Variants in RARB observed in about 807,000 individuals in gnomAD.
The protein encoded by RARB is HBV-activated protein.
A neutral mutation model predicts 51.9 loss-of-function variants in RARB; 17 were observed. The ratio of observed to expected loss-of-function variants is 0.33; its 90% CI spans 0.22 to 0.49. The LOEUF (loss-of-function observed/expected upper bound fraction) is 0.49. Among genes scored for constraint, RARB ranks in the 20% least tolerant of loss-of-function variants. The probability of loss-of-function intolerance (pLI) is 0.99; values close to 1 mark genes in which losing one functional copy is unlikely to be tolerated. For synonymous variants in RARB, 215 were observed against 195.4 expected (o/e 1.10, Z -0.84); for missense variants, 369 against 550.8 (o/e 0.67, Z 3.30).
intron 2 of RARB, among the ~76,000 whole-genome samples, chr3:24,987,858 C>T (rs1696827953): frequency 6.6e-6 from 1 of 152,122 alleles, no homozygotes; most frequent in Non-Finnish European, 1.5e-5. Flanking sequence ...CATGTATGCA[C>T]GCACAATTAC....
intron 3 of RARB, among the ~76,000 whole-genome samples, chr3:25,530,600 T>G (rs1698861231): frequency 6.6e-6 from 1 of 152,248 alleles, no homozygotes; most frequent in Non-Finnish European, 1.5e-5. Context: ...TTTCTCACAT[T>G]ACATTGCTCT....
At position 25,213,319 on chromosome 3, in the gene RARB, T is replaced by G. The variant is rs564360142; in HGVS notation, c.178+38744T>G. 2.2e-4 allele frequency among the ~76,000 whole-genome samples: 33 copies of G among 152,314 alleles called. No homozygotes were observed. The South Asian group carries it at 6.6e-3, about 31-fold the overall frequency. On this transcript the variant is annotated intron_variant, in intron 5 of 11. Transcript: ENST00000383772. ...CTACATACTATATAATCACACAGTTTGAGTCCTTTTGTGTCTGACATCCTT... is the reference window on the plus strand; with the variant it reads ...CTACATACTATATAATCACACAGTTGGAGTCCTTTTGTGTCTGACATCCTT...
chr3:24,966,658 A>G (rs888899370), intron 2 of RARB, among the ~76,000 whole-genome samples: 1 of 148,870 alleles, frequency 6.7e-6, no homozygotes, highest in East Asian at 2.0e-4. Context: ...AGTCTCTAAC[A>G]AGAAGCAGAA....
chr3:25,439,892 C>T (rs138836461), intron 1 of RARB, among the ~76,000 whole-genome samples: 199 of 152,196 alleles, frequency 1.3e-3, no homozygotes, highest in African/African-American at 4.6e-3. Flanking sequence ...ATCTGTAAGA[C>T]GCTAACATGT....
chr3:25,210,714 T>C (rs1282940340), intron 5 of RARB, among the ~76,000 whole-genome samples: 2 of 151,648 alleles, frequency 1.3e-5, no homozygotes, highest in East Asian at 1.9e-4. Context: ...TTTACATTTT[T>C]ATTGGAGAAG....
At chr3:25,044,038 A>G (rs753535546) in intron 2 of RARB, among the ~76,000 whole-genome samples, 59 of 151,830 alleles carry the variant, frequency 3.9e-4, no homozygotes, top group South Asian at 8.3e-4. Context: ...TTTTTTTTTA[A>G]TTAGAGTTTC....
At chr3:25,497,774 C>T (rs79054380) in intron 2 of RARB, among the ~76,000 whole-genome samples, 9,330 of 152,252 alleles carry the variant, frequency 0.061, 313 homozygotes, top group Non-Finnish European at 0.081. Context: ...CCTCTGTACA[C>T]GCTCAACTTT....
At chr3:24,900,203 G>A (rs993094589) in intron 2 of RARB, among the ~76,000 whole-genome samples, 4 of 152,170 alleles carry the variant, frequency 2.6e-5, no homozygotes, top group Non-Finnish European at 5.9e-5. Flanking sequence ...GTGGTAAATG[G>A]AAAATGTCTG....
intron 5 of RARB, among the ~76,000 whole-genome samples, chr3:25,207,692 C>T (rs1194782420): frequency 2.0e-5 from 3 of 152,096 alleles, no homozygotes. Flanking sequence ...TTGTGCTGTT[C>T]CCTAACATAC....
At chr3:25,539,830 TAAAC>T (rs1390352487) in intron 3 of RARB, among the ~76,000 whole-genome samples, 3 of 152,138 alleles carry the variant, frequency 2.0e-5, no homozygotes, top group South Asian at 2.1e-4. Context: ...AATTGACTCT[TAAAC>T]AATATTAGTT....
intron 2 of RARB, among the ~76,000 whole-genome samples, chr3:24,960,197 C>T (rs1473768285): frequency 6.6e-6 from 1 of 152,134 alleles, no homozygotes; most frequent in African/African-American, 2.4e-5. Context: ...ACCTCTAATA[C>T]TTAAATTGGA....
At chr3:25,277,176 G>A (rs1241307203) in intron 5 of RARB, among the ~76,000 whole-genome samples, 1 of 152,154 alleles carries the variant, frequency 6.6e-6, no homozygotes, top group Non-Finnish European at 1.5e-5. Flanking sequence ...AAATGTTACT[G>A]GTAAGGAAGA....
intron 2 of RARB, among the ~76,000 whole-genome samples, chr3:25,055,348 A>G (rs1369186441): frequency 2.0e-5 from 3 of 152,138 alleles, no homozygotes; most frequent in Non-Finnish European, 4.4e-5. Flanking sequence ...GCCAAGTACC[A>G]TGAATGTATT....
Position 24,942,497 on chromosome 3 carries a change from A to G in RARB, c.-380+83745A>G, listed in dbSNP as rs563226457. On this transcript the variant is annotated intron_variant, in intron 2 of 11. Transcript: ENST00000383772. ...AGACTTGATGGCTAACTAACCATGAAGTTTTAAAATAGAGAAATCAAAGAT... is the reference window on the plus strand; with the variant it reads ...AGACTTGATGGCTAACTAACCATGAGGTTTTAAAATAGAGAAATCAAAGAT... Among the ~76,000 whole-genome samples, 201 of 152,308 alleles carry G rather than the reference A, an allele frequency of 1.3e-3. 2 individuals carry two copies. Among genetic ancestry groups the G allele is most frequent in the Non-Finnish European group, 3.7e-4 (25 of 68,020 alleles).
At chr3:24,924,601 TACTC>T (rs1432802217) in intron 2 of RARB, among the ~76,000 whole-genome samples, 38 of 152,332 alleles carry the variant, frequency 2.5e-4, no homozygotes, top group African/African-American at 7.9e-4. Flanking sequence ...TGAATATTTT[TACTC>T]AGTCAGTATA....
At chr3:25,202,060 G>C (rs1248470582) in intron 5 of RARB, among the ~76,000 whole-genome samples, 1 of 152,142 alleles carries the variant, frequency 6.6e-6, no homozygotes, top group African/African-American at 2.4e-5. Flanking sequence ...AATCTGTCTG[G>C]TCCTGGACTT....
At chr3:24,837,373 G>A (rs1437693128) in intron 1 of RARB, among the ~76,000 whole-genome samples, 2 of 152,208 alleles carry the variant, frequency 1.3e-5, no homozygotes, top group Admixed American at 1.3e-4. Context: ...GAAAAACAGA[G>A]TTTGACAAAG....
At chr3:25,413,140 A>G (rs1707611231) in intron 5 of RARB, among the ~76,000 whole-genome samples, 1 of 152,222 alleles carries the variant, frequency 6.6e-6, no homozygotes, top group Non-Finnish European at 1.5e-5. Flanking sequence ...CTAACAACAT[A>G]GATTAAAAGG....
At position 25,404,807 on chromosome 3, in the gene RARB, A is replaced by T. The variant is rs528707518; in HGVS notation, c.179-56386A>T. Among the ~76,000 whole-genome samples, 21 of 152,330 alleles carry T rather than the reference A, an allele frequency of 1.4e-4. No homozygotes were observed. In the South Asian group the frequency reaches 3.1e-3, roughly 23 times the overall value. On this transcript the variant is annotated intron_variant, in intron 5 of 11. Coordinates refer to the RARB transcript ENST00000383772. ...ATTTTTGTGGTTTCTGTTCTGAAAGATCATACCAAACTCCTCTTTATACCT... is the reference window on the plus strand; with the variant it reads ...ATTTTTGTGGTTTCTGTTCTGAAAGTTCATACCAAACTCCTCTTTATACCT...
Sources: gnomAD v4.1 joint callset for allele counts (sites outside exome capture counted in the v4.1 genomes callset) on GRCh38, gnomAD v4.1.1 for gene constraint, MANE v1.5 for transcripts, NCBI Gene and HGNC (gene_info 2026-07-23, HGNC 2026-07-21) for gene names.